HECW2: variants seen among roughly 807,000 people sequenced by gnomAD.
The protein encoded by HECW2 is E3 ubiquitin-protein ligase HECW2.
A neutral mutation model predicts 175.2 loss-of-function variants in HECW2; 61 were observed. The observed-to-expected ratio is 0.35, with a 90% CI of 0.28 to 0.43. The LOEUF is 0.43. HECW2 is among the 20% of genes least tolerant of loss of function. The pLI is 1.00. For missense variants in HECW2, 1,524 were observed against 2,000.5 expected, an observed-to-expected ratio of 0.76 and a Z score of 4.54; for synonymous variants, 671 against 731.0, an observed-to-expected ratio of 0.92 and a Z score of 1.32.
chr2:196,434,875 CAA>C (rs2125276114), intron 1 of HECW2, among the ~76,000 whole-genome samples: 1 of 152,270 alleles, frequency 6.6e-6, no homozygotes, highest in Admixed American at 6.5e-5. Context: ...AAAAAACAAA[CAA>C]AGTAACCTTG....
chr2:196,276,177 G>A (rs1437180732), intron 15 of HECW2, among the ~76,000 whole-genome samples: 2 of 152,270 alleles, frequency 1.3e-5, no homozygotes, highest in Admixed American at 6.5e-5. Context: ...GCGGACAGTG[G>A]GCAATCCCTC....
intron 28 of HECW2, among the ~76,000 whole-genome samples, chr2:196,208,455 A>C (rs1333272866): frequency 6.6e-6 from 1 of 152,248 alleles, no homozygotes; most frequent in African/African-American, 2.4e-5. Flanking sequence ...AATTCAGATA[A>C]GGTACTTGTT....
chr2:196,545,979 CTATATCTTTGAT>C (rs1254152981), intron 1 of HECW2, among the ~76,000 whole-genome samples: 1 of 152,158 alleles, frequency 6.6e-6, no homozygotes, highest in Non-Finnish European at 1.5e-5. Flanking sequence ...ATATCTTTGA[CTATATCTTTGAT>C]GACATTTTCA....
At chr2:196,583,439 T>C (rs192672439) in intron 1 of HECW2, among the ~76,000 whole-genome samples, 1 of 152,350 alleles carries the variant, frequency 6.6e-6, no homozygotes, top group Non-Finnish European at 1.5e-5. Flanking sequence ...CCAACATATG[T>C]GAGGATCTTT....
At chr2:196,258,699 T>C (rs1339594751) in intron 17 of HECW2, among the ~76,000 whole-genome samples, 1 of 152,180 alleles carries the variant, frequency 6.6e-6, no homozygotes, top group African/African-American at 2.4e-5. Context: ...TTCCCTTATT[T>C]ACATCATGCT....
At chr2:196,210,093 T>G (rs999733252) in intron 28 of HECW2, among the ~76,000 whole-genome samples, 1 of 152,150 alleles carries the variant, frequency 6.6e-6, no homozygotes, top group Non-Finnish European at 1.5e-5. Flanking sequence ...GAAAGTGACA[T>G]TGTATTTCAG....
rs3795921 is a variant in HECW2 at position 196,201,165 on chromosome 2, A to G, written c.*112T>C. ...ACTTGTTCCTGGAAAACAACAGCAC[A>G]TAGCTTTATCCTAAAGGAAGCATCC... On this transcript the variant is annotated 3_prime_UTR_variant, in exon 29 of 29. Coordinates refer to ENST00000644978, the MANE Select transcript of HECW2 (RefSeq NM_001348768.2). 0.79 allele frequency: 592,260 copies of G among 749,590 alleles called. 236,114 individuals are homozygous for G. Among genetic ancestry groups the G allele is most frequent in the East Asian group, 0.99 (38,259 of 38,778 alleles). 46.4% of individuals were successfully genotyped at this position (749,590 alleles called of 1,614,324 possible).
At chr2:196,220,182 G>A (rs1304234691) in intron 25 of HECW2, 29 bp from the exon 26 acceptor site, 1 of 1,407,350 alleles carries the variant, frequency 7.1e-7, no homozygotes, top group Non-Finnish European at 1.0e-6. Flanking sequence ...ACAAGGCATG[G>A]CTTAGGAGCC....
At chr2:196,474,712 A>G (rs1686493156) in intron 1 of HECW2, among the ~76,000 whole-genome samples, 1 of 152,116 alleles carries the variant, frequency 6.6e-6, no homozygotes, top group South Asian at 2.1e-4. Flanking sequence ...TTCTATCTCC[A>G]TTGCCATCTT....
At chr2:196,317,863 G>A (rs971610222) in intron 9 of HECW2, among the ~76,000 whole-genome samples, 3 of 152,182 alleles carry the variant, frequency 2.0e-5, no homozygotes, top group Non-Finnish European at 4.4e-5. Flanking sequence ...TCATTCTAGA[G>A]AGCTGCATTC....
chr2:196,432,353 A>G (rs1303492943), intron 2 of HECW2, among the ~76,000 whole-genome samples: 2 of 152,178 alleles, frequency 1.3e-5, no homozygotes, highest in Non-Finnish European at 2.9e-5. Flanking sequence ...TCTTCATTCA[A>G]TGAAAAAGTT....
intron 1 of HECW2, among the ~76,000 whole-genome samples, chr2:196,485,186 T>C (rs1017612155): frequency 6.6e-6 from 1 of 152,140 alleles, no homozygotes; most frequent in Admixed American, 6.5e-5. Context: ...AGAGTTCTAT[T>C]GGAGCACCGA....
At chr2:196,556,654 C>T (rs1455079434) in intron 1 of HECW2, among the ~76,000 whole-genome samples, 1 of 152,090 alleles carries the variant, frequency 6.6e-6, no homozygotes, top group Non-Finnish European at 1.5e-5. Context: ...TTGTCTTAGC[C>T]CTGCCATATA....
intron 14 of HECW2, 38 bp from the exon 15 acceptor site, chr2:196,278,700 A>C (rs755002319): frequency 5.0e-6 from 8 of 1,611,732 alleles, no homozygotes; most frequent in Non-Finnish European, 6.8e-6. Flanking sequence ...CATGCCGCTC[A>C]CATGTCTTAG....
intron 1 of HECW2, among the ~76,000 whole-genome samples, chr2:196,511,731 G>A (rs533325756): frequency 6.6e-6 from 1 of 150,924 alleles, no homozygotes; most frequent in South Asian, 2.1e-4. Flanking sequence ...TGAGAAAAGT[G>A]TGTGATCCAA....
chr2:196,285,521 T>C (rs1690352493), intron 14 of HECW2, among the ~76,000 whole-genome samples: 1 of 147,314 alleles, frequency 6.8e-6, no homozygotes, highest in South Asian at 2.1e-4. Context: ...GTCTTGGAAG[T>C]GCTCAAAAAA....
Position 196,334,535 on chromosome 2 carries a change from G to C in HECW2, c.401-17C>G, listed in dbSNP as rs373243787. ...TTATCTCCGCTGCAAAGCAATTGGAGAAAACAGTAATTTAAACAGTGAAAC... is the reference window on the plus strand; with the variant it reads ...TTATCTCCGCTGCAAAGCAATTGGACAAAACAGTAATTTAAACAGTGAAAC... On this transcript the variant is annotated splice_polypyrimidine_tract_variant and intron_variant, in intron 3 of 28. Coordinates refer to ENST00000644978, the MANE Select transcript of HECW2 (RefSeq NM_001348768.2). 10 of 1,557,846 alleles carry C rather than the reference G, an allele frequency of 6.4e-6. No homozygotes were observed. The East Asian group carries it at 2.3e-4, about 37-fold the overall frequency.
chr2:196,391,754 C>T (rs1025326356), intron 2 of HECW2, among the ~76,000 whole-genome samples: 5 of 152,170 alleles, frequency 3.3e-5, no homozygotes, highest in Admixed American at 1.3e-4. Context: ...CTCATACTTC[C>T]AGAATCTAGA....
intron 1 of HECW2, among the ~76,000 whole-genome samples, chr2:196,478,001 G>C (rs1257440123): frequency 6.6e-6 from 1 of 152,094 alleles, no homozygotes; most frequent in Non-Finnish European, 1.5e-5. Context: ...GCAGTGAGCC[G>C]AGATCATGCC....
Sources: gnomAD v4.1 joint callset for allele counts (sites outside exome capture counted in the v4.1 genomes callset) on GRCh38, gnomAD v4.1.1 for gene constraint, MANE v1.5 for transcripts, NCBI Gene and HGNC (gene_info 2026-07-23, HGNC 2026-07-21) for gene names.